Variants in MLXIP observed in about 807,000 individuals in gnomAD.
The protein encoded by MLXIP is MLX interacting protein.
A neutral mutation model predicts 87.2 loss-of-function variants in MLXIP; 30 were observed. The observed-to-expected ratio is 0.34, with a 90% CI of 0.26 to 0.47. MLXIP has a LOEUF of 0.47. Among genes scored for constraint, MLXIP ranks in the 20% least tolerant of loss-of-function variants. The pLI, the probability that MLXIP is intolerant of heterozygous loss-of-function variation, is 1.00. For missense variants in MLXIP, 1,002 were observed against 1,240.1 expected, an observed-to-expected ratio of 0.81 and a Z score of 2.88; for synonymous variants, 530 against 514.0, an observed-to-expected ratio of 1.03 and a Z score of -0.42.
At chr12:122,109,613 T>C (rs562808867) in intron 1 of MLXIP, among the ~76,000 whole-genome samples, 6 of 152,342 alleles carry the variant, frequency 3.9e-5, no homozygotes, top group African/African-American at 1.4e-4. Flanking sequence ...CTGAGGAGAT[T>C]TGCAGCATGT....
rs571169952 is a variant in MLXIP at position 122,135,816 on chromosome 12, C to T, written c.2032+150C>T. 1.6e-4 allele frequency: 152 copies of T among 941,276 alleles called. No individual in the cohort carries two copies. In the African/African-American group the frequency reaches 2.4e-3, roughly 15 times the overall value. The allele number at this position is 941,276 out of a possible 1,614,324, so 58.3% of individuals were successfully genotyped here. A position where few individuals can be genotyped will look rare whatever the true frequency, so the allele number is the denominator to read the frequency against. ...CTTGTAGGCCTGCTGATAACACAGTCTGGGAACACGCTCTGTGGGTGGCAG... is the reference window on the plus strand; with the variant it reads ...CTTGTAGGCCTGCTGATAACACAGTTTGGGAACACGCTCTGTGGGTGGCAG... On this transcript the variant is annotated intron_variant, in intron 11 of 16. Transcript: ENST00000319080. This position sits in a 1 kb window ranked among gnomAD's most constrained non-coding sequence, Gnocchi z 5.3.
At chr12:122,094,189 TTG>T (rs1952303786) in intron 1 of MLXIP, among the ~76,000 whole-genome samples, 2 of 96,624 alleles carry the variant, frequency 2.1e-5, no homozygotes, top group African/African-American at 7.1e-5. Flanking sequence ...TTGGTGTGTG[TTG>T]TGTGTGTTGG....
At position 122,133,190 on chromosome 12, in the gene MLXIP, CAA is replaced by C; in HGVS notation, c.1093-156_1093-155del. On this transcript the variant is annotated intron_variant, in intron 8 of 16. Transcript: ENST00000319080. This position sits in a 1 kb window ranked among gnomAD's most constrained non-coding sequence, Gnocchi z 4.9. The stretch of plus-strand genomic sequence containing the variant: ...ACCCCCGCAGACACGCAGGGAAACA[CAA>C]ATCCCTATCAGATCAGCAGCCATGG... 2 of 770,738 alleles carry C rather than the reference CAA, an allele frequency of 2.6e-6. No individual in the cohort carries two copies. The highest frequency in any genetic ancestry group is 3.9e-6 in the Non-Finnish European group (2 of 508,708). 47.7% of individuals were successfully genotyped at this position (770,738 alleles called of 1,614,324 possible).
chr12:122,140,996 A>C lies in MLXIP; in HGVS notation c.2551A>C (p.Met851Leu), dbSNP rs748449139. The stretch of plus-strand genomic sequence containing the variant: ...GCCGCTGTTTGAGTCGTTCAAGGGC[A>C]TGGTGTCCACCAGCAGCCTGGAGGA... ...IKPLFESFKG[M>L]VSTSSLEELH... The change falls in exon 16 of 17, where the codon ATG (methionine) becomes CTG (leucine). Residue 851 changes from methionine to leucine, a missense_variant. Met to Leu is a conservative substitution (Grantham distance 15, BLOSUM62 2). Coordinates refer to ENST00000319080, the MANE Select transcript of MLXIP (RefSeq NM_014938.6). The C allele has an allele frequency of 1.8e-5, 29 of 1,613,898 alleles. No homozygotes were observed. The African/African-American group carries it at 3.9e-4, about 22-fold the overall frequency.
chr12:122,123,441 C>T (rs1230124165), intron 1 of MLXIP, among the ~76,000 whole-genome samples: 3 of 152,266 alleles, frequency 2.0e-5, no homozygotes, highest in South Asian at 4.1e-4. Context: ...GTTGGGAGTT[C>T]TGGTCTCTGT....
intron 1 of MLXIP, among the ~76,000 whole-genome samples, chr12:122,080,402 C>T (rs928419091): frequency 2.0e-5 from 3 of 152,310 alleles, no homozygotes; most frequent in East Asian, 3.9e-4. Context: ...CCTCTCACCT[C>T]ACCTTTTTAA....
At chr12:122,083,483 C>T (rs974865063) in intron 1 of MLXIP, among the ~76,000 whole-genome samples, 6 of 151,682 alleles carry the variant, frequency 4.0e-5, no homozygotes, top group Admixed American at 1.3e-4. Context: ...GGTGCGATCT[C>T]GGCTCACTGC....
chr12:122,129,226 G>A lies in MLXIP; in HGVS notation c.696G>A (p.Arg232=), dbSNP rs1020747970. 3 of 1,605,876 alleles carry A rather than the reference G, an allele frequency of 1.9e-6. No homozygotes were observed. Among genetic ancestry groups the A allele is most frequent in the African/African-American group, 2.7e-5 (2 of 74,828 alleles). ...AGTGGAGAACCTACTTCAAGAAAAGGGTATCTGGCTGGAGTGTTCAGGCAG... is the reference window on the plus strand; with the variant it reads ...AGTGGAGAACCTACTTCAAGAAAAGAGTATCTGGCTGGAGTGTTCAGGCAG... The part of the protein sequence containing the change: ...YHKWRTYFKK[R]LQQHKDEDLS... The change falls in exon 4 of 17, where the codon AGG becomes AGA. Residue 232 remains arginine, a splice_region_variant and synonymous_variant. Transcript: ENST00000319080.
intron 1 of MLXIP, among the ~76,000 whole-genome samples, chr12:122,120,401 T>G (rs556808208): frequency 1.1e-4 from 16 of 152,146 alleles, no homozygotes; most frequent in Non-Finnish European, 2.2e-4. Flanking sequence ...TTTCTGATTT[T>G]TTGTGGAGAT....
In MLXIP at chr12:122,130,865, T is replaced by C. The variant is rs961892966; in HGVS notation, c.932T>C (p.Met311Thr). Residue 311 changes from methionine to threonine, a missense_variant, in exon 7 of 17, where the codon ATG becomes ACG. Coordinates refer to ENST00000319080, the MANE Select transcript of MLXIP (RefSeq NM_014938.6). ...GCAGCACATCTGGGAAATGCAGACA[T>C]GATCCAGCCGGGACTGATTCCTTTG... ...REIAHLGNAD[M>T]IQPGLIPLQP... 1 of 1,613,538 alleles carries C rather than the reference T, an allele frequency of 6.2e-7. No individual in the cohort carries two copies. The highest frequency in any genetic ancestry group is 8.5e-7 in the Non-Finnish European group (1 of 1,179,624).
At chr12:122,095,831 T>C (rs1952342578) in intron 1 of MLXIP, among the ~76,000 whole-genome samples, 1 of 151,748 alleles carries the variant, frequency 6.6e-6, no homozygotes, top group African/African-American at 2.4e-5. Flanking sequence ...ATTTTTTGCA[T>C]GGTGAGTATA....
At chr12:122,131,434 T>C (rs897499850) in intron 7 of MLXIP, among the ~76,000 whole-genome samples, 10 of 148,954 alleles carry the variant, frequency 6.7e-5, no homozygotes, top group African/African-American at 9.8e-5. Flanking sequence ...CCTTGATTTG[T>C]TTGAGTCTTT....
chr12:122,103,197 ATGT>A (rs1279677872), intron 1 of MLXIP, among the ~76,000 whole-genome samples: 4 of 63,158 alleles, frequency 6.3e-5, no homozygotes, highest in Non-Finnish European at 8.6e-5. Flanking sequence ...GTATGTATGT[ATGT>A]ATTTATTTAT....
At chr12:122,141,304 G>A (rs1373075150) in intron 16 of MLXIP, among the ~76,000 whole-genome samples, 2 of 152,214 alleles carry the variant, frequency 1.3e-5, no homozygotes, top group Non-Finnish European at 2.9e-5. Flanking sequence ...CAGCTTGCAT[G>A]GATCTAGTGC....
rs1304616795 is a variant in MLXIP, at chr12:122,094,181, GGT to G, written c.413+14922_413+14923del. 7.5e-5 allele frequency among the ~76,000 whole-genome samples: 8 copies of G among 106,552 alleles called. No individual in the cohort carries two copies. The South Asian group carries it at 1.6e-3, about 22-fold the overall frequency. The allele number at this position is 106,552 out of a possible 152,430, so 69.9% of individuals were successfully genotyped here. On this transcript the variant is annotated intron_variant, in intron 1 of 16. Coordinates refer to ENST00000319080, the MANE Select transcript of MLXIP (RefSeq NM_014938.6). ...GTTTGCAGTGTCTGTGTGTGGTGTT[GGT>G]GTGTGTTGTGTGTGTTGGTGTGTGG...
chr12:122,110,259 C>A (rs1037491184), intron 1 of MLXIP, among the ~76,000 whole-genome samples: 4 of 152,092 alleles, frequency 2.6e-5, no homozygotes, highest in African/African-American at 7.2e-5. Flanking sequence ...TCGAGATCAG[C>A]CTGGGCAGCA....
In MLXIP at chr12:122,135,440, C is replaced by G; in HGVS notation, c.1855-49C>G. On this transcript the variant is annotated intron_variant, in intron 10 of 16. Transcript: ENST00000319080. The surrounding 1 kb of genome is among the most constrained non-coding windows in gnomAD (Gnocchi z 5.3). ...CACCTGAGACGACTGGTGTGCCGCC[C>G]TGCTGTATATCAGCAGTCAGGGGTG... The G allele has an allele frequency of 3.7e-6, 6 of 1,607,376 alleles. No homozygotes were observed. The highest frequency in any genetic ancestry group is 5.1e-6 in the Non-Finnish European group (6 of 1,177,056).
intron 1 of MLXIP, among the ~76,000 whole-genome samples, chr12:122,115,703 C>T (rs2135949613): frequency 6.6e-6 from 1 of 151,666 alleles, no homozygotes; most frequent in Admixed American, 6.6e-5. Context: ...GAAACATTTG[C>T]AGAAACATCA....
At chr12:122,100,053 T>G (rs1952414574) in intron 1 of MLXIP, among the ~76,000 whole-genome samples, 1 of 152,124 alleles carries the variant, frequency 6.6e-6, no homozygotes, top group Non-Finnish European at 1.5e-5. Flanking sequence ...GACAGCCAAG[T>G]TCAAGTGTTT....
Sources: gnomAD v4.1 joint callset for allele counts (sites outside exome capture counted in the v4.1 genomes callset) on GRCh38, gnomAD v4.1.1 for gene constraint, Gnocchi (gnomAD v3.1) non-coding constraint, MANE v1.5 for transcripts, NCBI Gene and HGNC (gene_info 2026-07-23, HGNC 2026-07-21) for gene names.